The following COL4A5 variants were observed in gnomAD, a reference collection of about 807,000 sequenced individuals.
The protein encoded by COL4A5 is collagen type IV alpha 5 chain.
A neutral mutation model predicts 130.2 loss-of-function variants in COL4A5; 26 were observed. The observed-to-expected ratio is 0.20, with a 90% CI of 0.15 to 0.28. The LOEUF (loss-of-function observed/expected upper bound fraction) is 0.28, where lower values mean the gene tolerates loss of function less well. Among genes scored for constraint, COL4A5 ranks in the 10% least tolerant of loss-of-function variants. COL4A5 has a pLI of 1.00. For synonymous variants in COL4A5, 496 were observed against 439.6 expected (o/e 1.13, Z -1.60); for missense variants, 1,131 against 1,344.3 (o/e 0.84, Z 2.48).
chrX:108,568,935 G>T (rs908373493), intron 6 of COL4A5, 114 bp downstream of exon 6: 12 of 614,494 alleles, frequency 2.0e-5, no homozygotes, highest in Non-Finnish European at 3.2e-5. Flanking sequence ...TCAGGTCTTG[G>T]CTATTACATA....
chrX:108,571,561 G>A, intron 7 of COL4A5, 95 bp downstream of exon 7: 1 of 693,424 alleles, frequency 1.4e-6, no homozygotes, highest in East Asian at 3.2e-5. Context: ...GTGGAACAAA[G>A]TAATACATTT....
In COL4A5 at chrX:108,529,219, C is replaced by G. The variant is rs368595417; in HGVS notation, c.82-10527C>G. Among the ~76,000 whole-genome samples the G allele has an allele frequency of 3.6e-5, 4 of 111,844 alleles. No individual in the cohort carries two copies. In the East Asian group the frequency reaches 1.1e-3, roughly 31 times the overall value. On this transcript the variant is annotated intron_variant, in intron 1 of 52. Coordinates refer to ENST00000328300, the MANE Select transcript of COL4A5 (RefSeq NM_033380.3). Reference sequence around the variant, plus strand: ...AGAATACTACATCCCTCAAAATTATCCTTCATCAATGAAGAAGAAATAAAA... The same window carrying G: ...AGAATACTACATCCCTCAAAATTATGCTTCATCAATGAAGAAGAAATAAAA...
At chrX:108,543,141 G>C (rs1286894357) in intron 2 of COL4A5, among the ~76,000 whole-genome samples, 1 of 110,165 alleles carries the variant, frequency 9.1e-6, no homozygotes, top group Admixed American at 9.7e-5. Context: ...TTTGGCTTTT[G>C]TTGCCATTGC....
intron 1 of COL4A5, among the ~76,000 whole-genome samples, chrX:108,522,039 A>C (rs1048977936): frequency 1.8e-5 from 2 of 111,132 alleles, no homozygotes; most frequent in African/African-American, 6.5e-5. Context: ...TGAACATTTC[A>C]TAGAAGTAAA....
intron 29 of COL4A5, among the ~76,000 whole-genome samples, chrX:108,611,402 G>A (rs959638315): frequency 3.6e-5 from 4 of 110,637 alleles, no homozygotes; most frequent in Non-Finnish European, 7.6e-5. Flanking sequence ...AAGGTGTTCC[G>A]GGCAGCAAGA....
intron 17 of COL4A5, among the ~76,000 whole-genome samples, chrX:108,584,021 G>A (rs1263135070): frequency 9.8e-6 from 1 of 102,124 alleles, no homozygotes; most frequent in East Asian, 3.0e-4. Flanking sequence ...AATAGAAATG[G>A]CACTACATTT....
intron 29 of COL4A5, among the ~76,000 whole-genome samples, chrX:108,614,090 T>G (rs1387091628): frequency 5.4e-5 from 6 of 111,767 alleles, no homozygotes; most frequent in Admixed American, 9.5e-5. Context: ...TAACCAGCAG[T>G]AAAAAGTAAC....
At chrX:108,609,713 T>C (rs557725623) in intron 29 of COL4A5, among the ~76,000 whole-genome samples, 1 of 112,042 alleles carries the variant, frequency 8.9e-6, no homozygotes, top group East Asian at 2.8e-4. Context: ...AGTTTTAGTT[T>C]CTATGTTTAA....
intron 1 of COL4A5, among the ~76,000 whole-genome samples, chrX:108,528,806 G>A (rs1212407284): frequency 4.4e-5 from 5 of 112,446 alleles, no homozygotes; most frequent in African/African-American, 1.6e-4. Flanking sequence ...GAAGCTTTGT[G>A]TCATTTGGGA....
At chrX:108,603,330 G>T (rs2066674616) in intron 28 of COL4A5, among the ~76,000 whole-genome samples, 1 of 106,332 alleles carries the variant, frequency 9.4e-6, no homozygotes, top group Non-Finnish European at 1.9e-5. Flanking sequence ...AGAGAATACA[G>T]GCATACCTTG....
Position 108,621,875 on chromosome X carries a change from G to A in COL4A5, c.2750G>A (p.Gly917Asp). 1 of 1,203,582 alleles carries A rather than the reference G, an allele frequency of 8.3e-7. No individual in the cohort carries two copies. ...PGPLGIPGRS[G>D]VPGLKGDDGL... The stretch of plus-strand genomic sequence containing the variant: ...CCTTTGGGAATTCCTGGCAGGAGTG[G>A]TGTACCTGGTCTTAAAGGTAATAAT... Residue 917 changes from glycine to aspartate, a missense_variant, in exon 32 of 53, where the codon GGT becomes GAT. Transcript: ENST00000328300.
chrX:108,543,049 T>C (rs2065575412), intron 2 of COL4A5, among the ~76,000 whole-genome samples: 6 of 111,286 alleles, frequency 5.4e-5, no homozygotes, highest in Admixed American at 1.9e-4. Flanking sequence ...TTCTCCCATT[T>C]TGTAGGTTGC....
At chrX:108,543,915 T>C (rs1156913317) in intron 2 of COL4A5, among the ~76,000 whole-genome samples, 2 of 111,883 alleles carry the variant, frequency 1.8e-5, no homozygotes, top group Non-Finnish European at 3.8e-5. Flanking sequence ...TGTTTGTCTG[T>C]TACTGGTGTA....
intron 31 of COL4A5, 49 bp from the exon 32 acceptor site, chrX:108,621,754 T>C: frequency 1.0e-6 from 1 of 993,656 alleles, no homozygotes; most frequent in Non-Finnish European, 1.4e-6. Flanking sequence ...ACTTTTTATG[T>C]TCCCTAAGTC....
At chrX:108,461,320 TC>T (rs1246406423) in intron 1 of COL4A5, among the ~76,000 whole-genome samples, 1 of 110,461 alleles carries the variant, frequency 9.1e-6, no homozygotes, top group Non-Finnish European at 1.9e-5. Flanking sequence ...GCATTTTTTT[TC>T]CCCTCAGATG....
chrX:108,620,323 C>G lies in COL4A5; in HGVS notation c.2574C>G (p.Pro858=), dbSNP rs750575874. The part of the protein sequence containing the change: ...PGPPGLDVPG[P]PGERGSPGIP... ...CTCCTGGACTTGATGTTCCAGGACC[C>G]CCAGGTGAAAGAGGCAGTCCAGGGA... The change falls in exon 31 of 53, where the codon CCC becomes CCG. Residue 858 remains proline (P), a synonymous_variant. Transcript: ENST00000328300. 2 of 1,209,042 alleles carry G rather than the reference C, an allele frequency of 1.7e-6. No individual in the cohort carries two copies. The highest frequency in any genetic ancestry group is 3.5e-5 in the South Asian group (2 of 56,887).
At chrX:108,604,692 T>C (rs1209156518) in intron 28 of COL4A5, among the ~76,000 whole-genome samples, 1 of 112,423 alleles carries the variant, frequency 8.9e-6, no homozygotes, top group Non-Finnish European at 1.9e-5. Flanking sequence ...AATTTACTTA[T>C]CTTCTCTAGC....
intron 2 of COL4A5, 37 bp from the exon 3 acceptor site, chrX:108,559,027 A>G (rs756876271): frequency 1.8e-6 from 2 of 1,113,198 alleles, no homozygotes; most frequent in South Asian, 1.8e-5. Flanking sequence ...TTGAAAATTC[A>G]CAAATGACCT....
At chrX:108,653,729 T>C (rs1413876394) in intron 36 of COL4A5, among the ~76,000 whole-genome samples, 1 of 111,090 alleles carries the variant, frequency 9.0e-6, no homozygotes, top group African/African-American at 3.3e-5. Flanking sequence ...AATTTTTTTC[T>C]TGTTTTTTAT....
Sources: gnomAD v4.1 joint callset for allele counts (sites outside exome capture counted in the v4.1 genomes callset) on GRCh38, gnomAD v4.1.1 for gene constraint, MANE v1.5 for transcripts, NCBI Gene and HGNC (gene_info 2026-07-23, HGNC 2026-07-21) for gene names.